Variants in COL14A1 observed in about 807,000 individuals in gnomAD.
The protein encoded by COL14A1 is collagen type XIV alpha 1 chain.
COL14A1 carries 136 observed loss-of-function variants against 230.3 expected under a neutral mutation model. That is an observed-to-expected ratio of 0.59 (90% CI 0.51 to 0.68). The LOEUF is 0.68. Ranked by LOEUF, COL14A1 falls within the 30% of genes least tolerant of loss-of-function variation. The pLI is 0.00. For missense variants in COL14A1, 1,976 were observed against 2,215.8 expected, an observed-to-expected ratio of 0.89 and a Z score of 2.17; for synonymous variants, 792 against 784.1, an observed-to-expected ratio of 1.01 and a Z score of -0.17.
intron 41 of COL14A1, 68 bp downstream of exon 41, chr8:120,332,262 T>C: frequency 6.9e-7 from 1 of 1,459,006 alleles, no homozygotes; most frequent in South Asian, 1.2e-5. Flanking sequence ...TGAGAGGTTT[T>C]CTTTTGCCAG....
At chr8:120,144,828 C>A (rs1815033846) in intron 1 of COL14A1, among the ~76,000 whole-genome samples, 1 of 151,578 alleles carries the variant, frequency 6.6e-6, no homozygotes, top group South Asian at 2.1e-4. Flanking sequence ...GGAAAGAGTC[C>A]ATTAATAACA....
intron 25 of COL14A1, among the ~76,000 whole-genome samples, chr8:120,268,289 T>A (rs1819558498): frequency 1.3e-5 from 2 of 151,738 alleles, no homozygotes. Context: ...CTAGCCTTCT[T>A]TAGTCTCAAC....
rs1812151673 is a variant in COL14A1 at position 120,371,364 on chromosome 8, G to A, written c.*133G>A. The A allele has an allele frequency of 2.3e-6, 1 of 440,766 alleles. No individual in the cohort carries two copies. Among genetic ancestry groups the A allele is most frequent in the Non-Finnish European group, 4.0e-6 (1 of 250,162 alleles). The allele number at this position is 440,766 out of a possible 1,614,324, so 27.3% of individuals were successfully genotyped here. A position where few individuals can be genotyped will look rare whatever the true frequency, so the allele number is the denominator to read the frequency against. On this transcript the variant is annotated 3_prime_UTR_variant, in exon 48 of 48. Coordinates refer to ENST00000297848, the MANE Select transcript of COL14A1 (RefSeq NM_021110.4). Reference sequence around the variant, plus strand: ...TTCAGCAGCCTAAATCTCCTCCTTGGATAATGTTAATATTATTATTATTAT... The same window carrying A: ...TTCAGCAGCCTAAATCTCCTCCTTGAATAATGTTAATATTATTATTATTAT...
intron 34 of COL14A1, 130 bp downstream of exon 34, chr8:120,289,896 A>T (rs1820320791): frequency 6.1e-6 from 5 of 821,170 alleles, no homozygotes; most frequent in Non-Finnish European, 9.4e-6. Flanking sequence ...GAATGAATGG[A>T]TGGATGGATG....
chr8:120,314,188 G>T lies in COL14A1; in HGVS notation c.4551+161G>T, dbSNP rs10505379. ...ACTAGTTGTGCCCTTAGCCATTTTT[G>T]TGTCCAATGATGAAGGTCTTTTAAC... On this transcript the variant is annotated intron_variant, in intron 38 of 47. Coordinates refer to ENST00000297848, the MANE Select transcript of COL14A1 (RefSeq NM_021110.4). Among the ~76,000 whole-genome samples, 129,560 of 152,226 alleles carry T rather than the reference G, an allele frequency of 0.85. 55,666 individuals are homozygous for T. The highest frequency in any genetic ancestry group is 0.97 in the African/African-American group (40,204 of 41,582).
At chr8:120,289,815 T>C (rs1256875517) in intron 34 of COL14A1, 49 bp downstream of exon 34, 2 of 1,548,868 alleles carry the variant, frequency 1.3e-6, no homozygotes, top group Non-Finnish European at 1.7e-6. Context: ...GGAGAGAAAT[T>C]ATTTTAAAGT....
At chr8:120,217,678 T>A (rs1817797473) in intron 14 of COL14A1, among the ~76,000 whole-genome samples, 1 of 152,060 alleles carries the variant, frequency 6.6e-6, no homozygotes, top group African/African-American at 2.4e-5. Context: ...TAAATAATCC[T>A]GAAGAGTCTG....
chr8:120,149,372 A>G (rs1815195854), intron 2 of COL14A1, among the ~76,000 whole-genome samples: 1 of 152,212 alleles, frequency 6.6e-6, no homozygotes, highest in Non-Finnish European at 1.5e-5. Context: ...TGTATTTCCA[A>G]CTACTTCATT....
At chr8:120,194,652 A>G (rs548367917) in intron 5 of COL14A1, among the ~76,000 whole-genome samples, 30 of 152,312 alleles carry the variant, frequency 2.0e-4, no homozygotes, top group Non-Finnish European at 4.0e-4. Flanking sequence ...ACCAGAAAAT[A>G]CCAATTTCAT....
chr8:120,237,215 G>T (rs894700543), intron 19 of COL14A1, among the ~76,000 whole-genome samples: 3 of 152,126 alleles, frequency 2.0e-5, no homozygotes, highest in African/African-American at 4.8e-5. Context: ...TTCCAACTTC[G>T]TTCCATTCTC....
intron 5 of COL14A1, among the ~76,000 whole-genome samples, chr8:120,188,882 C>T (rs759620882): frequency 4.6e-5 from 7 of 152,150 alleles, no homozygotes; most frequent in Non-Finnish European, 8.8e-5. Context: ...ACACATTTAC[C>T]TGGGCTCCCA....
intron 13 of COL14A1, among the ~76,000 whole-genome samples, chr8:120,213,098 T>A (rs1199823012): frequency 6.6e-6 from 1 of 152,220 alleles, no homozygotes; most frequent in Non-Finnish European, 1.5e-5. Flanking sequence ...TTCCTAAAAA[T>A]CTTTGCTGTC....
At chr8:120,290,025 G>C (rs1445728075) in intron 34 of COL14A1, among the ~76,000 whole-genome samples, 1 of 152,092 alleles carries the variant, frequency 6.6e-6, no homozygotes, top group Non-Finnish European at 1.5e-5. Flanking sequence ...TTAGGAATTA[G>C]GCTAGTTTAT....
rs146129118 is a variant in COL14A1 at position 120,289,766 on chromosome 8, G to A, written c.4236G>A (p.Pro1412=). 1.0e-4 allele frequency: 165 copies of A among 1,611,398 alleles called. No homozygotes were observed. Among genetic ancestry groups the A allele is most frequent in the African/African-American group, 9.5e-4 (71 of 74,966 alleles). The change falls in exon 34 of 48, where the codon CCG becomes CCA. Residue 1412 remains proline (P), a splice_region_variant and synonymous_variant. Transcript: ENST00000297848. ...RSRGPGGNSA[P]FQLQMFDIVC... The stretch of plus-strand genomic sequence containing the variant: ...GAGGACCAGGTGGAAACTCTGCACC[G>A]GTAAGTGAATAAACCCGTGAAGCTG...
chr8:120,295,672 T>G (rs1820504254), intron 34 of COL14A1, among the ~76,000 whole-genome samples: 1 of 151,878 alleles, frequency 6.6e-6, no homozygotes, highest in South Asian at 2.1e-4. Context: ...CACCTTCTCC[T>G]TAAACAAATC....
At chr8:120,347,600 G>A (rs1032943919) in intron 45 of COL14A1, among the ~76,000 whole-genome samples, 1 of 152,114 alleles carries the variant, frequency 6.6e-6, no homozygotes, top group African/African-American at 2.4e-5. Flanking sequence ...GATAAAGAGA[G>A]GAAAGGCCTG....
chr8:120,218,158 T>A (rs1817819661), intron 14 of COL14A1, among the ~76,000 whole-genome samples: 1 of 136,206 alleles, frequency 7.3e-6, no homozygotes, highest in Non-Finnish European at 1.5e-5. Context: ...TAAATAAATA[T>A]ATAAATATAA....
intron 46 of COL14A1, among the ~76,000 whole-genome samples, chr8:120,367,711 G>T (rs1257326780): frequency 6.6e-6 from 1 of 151,458 alleles, no homozygotes; most frequent in Non-Finnish European, 1.5e-5. Context: ...TGAGGCAAGA[G>T]GATCACTTGA....
intron 33 of COL14A1, among the ~76,000 whole-genome samples, chr8:120,286,767 C>G (rs1820217388): frequency 6.6e-6 from 1 of 152,194 alleles, no homozygotes; most frequent in African/African-American, 2.4e-5. Flanking sequence ...CCTTGGCATC[C>G]CAAAGTGCTG....
Sources: gnomAD v4.1 joint callset for allele counts (sites outside exome capture counted in the v4.1 genomes callset) on GRCh38, gnomAD v4.1.1 for gene constraint, MANE v1.5 for transcripts, NCBI Gene and HGNC (gene_info 2026-07-23, HGNC 2026-07-21) for gene names.